The following PREX2 variants were observed in gnomAD, a reference collection of about 807,000 sequenced individuals.
The protein encoded by PREX2 is phosphatidylinositol 3,4,5-trisphosphate-dependent Rac exchanger 2 protein.
Under a neutral mutation model 203.2 loss-of-function variants are expected in PREX2, and 107 were observed. The observed-to-expected ratio is 0.53, with a 90% confidence interval of 0.45 to 0.62. The LOEUF (loss-of-function observed/expected upper bound fraction) is 0.62, where lower values mean the gene tolerates loss of function less well. PREX2 is among the 20% of genes least tolerant of loss of function. The pLI, the probability that PREX2 is intolerant of heterozygous loss-of-function variation, is 0.00. For synonymous variants in PREX2, 672 were observed against 663.6 expected, an observed-to-expected ratio of 1.01 and a Z score of -0.19; for missense variants, 1,777 against 1,955.9, an observed-to-expected ratio of 0.91 and a Z score of 1.72.
intron 23 of PREX2, 69 bp from the exon 24 acceptor site, chr8:68,108,040 A>G: frequency 1.0e-6 from 1 of 954,172 alleles, no homozygotes; most frequent in East Asian, 2.5e-5. Flanking sequence ...TGAATGATGC[A>G]AGTGAAAAAA....
chr8:68,168,376 A>G (rs1811804916), intron 35 of PREX2, among the ~76,000 whole-genome samples: 1 of 152,214 alleles, frequency 6.6e-6, no homozygotes, highest in Non-Finnish European at 1.5e-5. Flanking sequence ...ACAGCTGACA[A>G]GATGTTTTTA....
chr8:68,025,361 G>A (rs776920355), intron 4 of PREX2, among the ~76,000 whole-genome samples: 25 of 151,738 alleles, frequency 1.6e-4, no homozygotes, highest in Non-Finnish European at 3.2e-4. Context: ...TGATGATAAG[G>A]CATCTGCTAT....
chr8:68,080,509 A>G lies in PREX2; in HGVS notation c.1709A>G (p.Glu570Gly), dbSNP rs775897892. 99 of 1,612,284 alleles carry G rather than the reference A, an allele frequency of 6.1e-5. 1 individual carries two copies. In the East Asian group the frequency reaches 2.2e-3, roughly 36 times the overall value. The change falls in exon 16 of 40, where the codon GAG becomes GGG. Residue 570 changes from glutamate (E) to glycine (G), a missense_variant. Physicochemically the swap from Glu to Gly is moderately conservative, Grantham distance 98. Transcript: ENST00000288368. ...LFRFFSDEEMEGSNMKHRLMK... is the reference protein window; with the variant it reads ...LFRFFSDEEMGGSNMKHRLMK... ...CGTTTTTTTTCGGATGAGGAAATGG[A>G]GGGATCAAATATGAAACATCGACTT...
At chr8:68,110,332 T>C (rs948913705) in intron 25 of PREX2, among the ~76,000 whole-genome samples, 4 of 152,170 alleles carry the variant, frequency 2.6e-5, no homozygotes, top group Non-Finnish European at 5.9e-5. Flanking sequence ...CAGAACAGCA[T>C]GGGGTTTGAG....
intron 34 of PREX2, among the ~76,000 whole-genome samples, chr8:68,147,454 C>T (rs1186481739): frequency 6.6e-6 from 1 of 152,130 alleles, no homozygotes; most frequent in Non-Finnish European, 1.5e-5. Flanking sequence ...GTGAATAAGT[C>T]TCACGAGATC....
intron 37 of PREX2, among the ~76,000 whole-genome samples, chr8:68,204,470 G>C (rs938058241): frequency 2.0e-5 from 3 of 151,974 alleles, no homozygotes; most frequent in Non-Finnish European, 4.4e-5. Flanking sequence ...CCTGTGCAGC[G>C]CTGAAAATGC....
chr8:68,192,626 T>A, intron 37 of PREX2, 101 bp downstream of exon 37: 1 of 842,988 alleles, frequency 1.2e-6, no homozygotes, highest in Non-Finnish European at 1.8e-6. Flanking sequence ...CTGGAAACAT[T>A]CAAAGACTCA....
intron 19 of PREX2, among the ~76,000 whole-genome samples, chr8:68,088,626 T>C (rs1809773676): frequency 6.6e-6 from 1 of 152,028 alleles, no homozygotes; most frequent in Non-Finnish European, 1.5e-5. Flanking sequence ...ATTATAACAT[T>C]ACTTTCATTA....
At chr8:68,121,548 T>C (rs1181901974) in intron 30 of PREX2, among the ~76,000 whole-genome samples, 1 of 152,186 alleles carries the variant, frequency 6.6e-6, no homozygotes, top group Non-Finnish European at 1.5e-5. Context: ...CATTCTATAA[T>C]TGGTAAAACC....
At chr8:68,210,902 A>G (rs936201648) in intron 37 of PREX2, among the ~76,000 whole-genome samples, 2 of 152,224 alleles carry the variant, frequency 1.3e-5, no homozygotes, top group Non-Finnish European at 2.9e-5. Flanking sequence ...GTAAGAACTG[A>G]TATCTTAAAA....
At position 68,090,562 on chromosome 8, in the gene PREX2, C is replaced by G. The variant is rs76085823; in HGVS notation, c.2114-17C>G. 6.0e-3 allele frequency: 9,561 copies of G among 1,580,456 alleles called. 218 individuals carry two copies. In the African/African-American group the frequency reaches 0.07, roughly 12 times the overall value. ...CCTGAAATTTGTTTTTGGTTATTTT[C>G]TCATTTGTATTTATAGGAACTGTGG... On this transcript the variant is annotated splice_polypyrimidine_tract_variant and intron_variant, in intron 19 of 39. Transcript: ENST00000288368.
intron 1 of PREX2, among the ~76,000 whole-genome samples, chr8:68,011,477 C>G (rs936655022): frequency 2.6e-5 from 4 of 151,830 alleles, no homozygotes; most frequent in Non-Finnish European, 5.9e-5. Context: ...AATTAACATT[C>G]AGCTTTGGTG....
chr8:68,198,954 A>T (rs1266547940), intron 37 of PREX2, among the ~76,000 whole-genome samples: 3 of 152,206 alleles, frequency 2.0e-5, no homozygotes, highest in African/African-American at 7.2e-5. Flanking sequence ...ATAGTGTGTG[A>T]TGTCTTCAAA....
At chr8:68,182,639 T>C (rs574260893) in intron 35 of PREX2, among the ~76,000 whole-genome samples, 66 of 152,148 alleles carry the variant, frequency 4.3e-4, no homozygotes, top group African/African-American at 1.6e-3. Context: ...GTAAGTATAG[T>C]AACTTCAACC....
rs187632176 is a variant in PREX2, at chr8:68,009,464, T to C, written c.142-8382T>C. Among the ~76,000 whole-genome samples the C allele has an allele frequency of 8.5e-4, 129 of 152,342 alleles. 1 individual carries two copies. Among genetic ancestry groups the C allele is most frequent in the Middle Eastern group, 3.4e-3 (1 of 294 alleles). On this transcript the variant is annotated intron_variant, in intron 1 of 39. Coordinates refer to ENST00000288368, the MANE Select transcript of PREX2 (RefSeq NM_024870.4). ...ACATAATAGTCTACTGGCATCTCTA[T>C]ATAAGTATTTGTATAATATTAAAAA...
chr8:68,161,911 G>A (rs1007794872), intron 35 of PREX2, among the ~76,000 whole-genome samples: 2 of 152,174 alleles, frequency 1.3e-5, no homozygotes, highest in African/African-American at 4.8e-5. Flanking sequence ...AGTTCCATAT[G>A]GCTGGGGAAG....
intron 1 of PREX2, among the ~76,000 whole-genome samples, chr8:67,982,545 T>C (rs1005304652): frequency 6.6e-6 from 1 of 152,208 alleles, no homozygotes; most frequent in Non-Finnish European, 1.5e-5. Context: ...AAAAGATACA[T>C]TGACATGTAT....
At position 67,952,268 on chromosome 8, in the gene PREX2, C is replaced by T; in HGVS notation, c.-127C>T. 2 of 756,668 alleles carry T rather than the reference C, an allele frequency of 2.6e-6. No homozygotes were observed. Among genetic ancestry groups the T allele is most frequent in the Non-Finnish European group, 3.7e-6 (2 of 545,998 alleles). The allele number at this position is 756,668 out of a possible 1,614,324, so 46.9% of individuals were successfully genotyped here. A position where few individuals can be genotyped will look rare whatever the true frequency, so the allele number is the denominator to read the frequency against. On this transcript the variant is annotated 5_prime_UTR_variant, in exon 1 of 40. Transcript: ENST00000288368. Reference sequence around the variant, plus strand: ...GCCTCTCCCCAGCATGTAAAGTCTTCTGTCTCTCCTCGGAGTTGGCGGAGG... The same window carrying T: ...GCCTCTCCCCAGCATGTAAAGTCTTTTGTCTCTCCTCGGAGTTGGCGGAGG...
intron 18 of PREX2, among the ~76,000 whole-genome samples, chr8:68,087,346 C>T (rs927985400): frequency 1.3e-5 from 2 of 152,190 alleles, no homozygotes. Flanking sequence ...ATGTAGGAAA[C>T]CCTGTGTTTA....
Sources: allele counts gnomAD v4.1 joint callset (sites outside exome capture counted in the v4.1 genomes callset), GRCh38; gene constraint gnomAD v4.1.1; transcripts MANE v1.5; gene names NCBI Gene and HGNC (gene_info 2026-07-23, HGNC 2026-07-21).